Variants in VPS41 observed in about 807,000 individuals in gnomAD.
VPS41 encodes vacuolar protein sorting-associated protein 41 homolog.
A neutral mutation model predicts 130.9 loss-of-function variants in VPS41; 85 were observed. The ratio of observed to expected loss-of-function variants is 0.65; its 90% CI spans 0.55 to 0.78. The LOEUF (loss-of-function observed/expected upper bound fraction) is 0.78. VPS41 is among the 30% of genes least tolerant of loss of function. VPS41 has a pLI of 0.00. For missense variants in VPS41, 874 were observed against 1,018.7 expected (o/e 0.86, Z 1.93); for synonymous variants, 335 against 332.9 (o/e 1.01, Z -0.07).
intron 2 of VPS41, among the ~76,000 whole-genome samples, chr7:38,872,573 T>A (rs1786392998): frequency 6.6e-6 from 1 of 152,170 alleles, no homozygotes; most frequent in South Asian, 2.1e-4. Context: ...TACCTGTTAT[T>A]AACTTTCCAA....
rs1378331293 is a variant in VPS41, at chr7:38,763,444, G to C, written c.1422+11C>G. 6.4e-7 allele frequency: 1 copy of C among 1,562,368 alleles called. No homozygotes were observed. The highest frequency in any genetic ancestry group is 1.4e-5 in the African/African-American group (1 of 72,550). On this transcript the variant is annotated intron_variant, in intron 17 of 28. Coordinates refer to ENST00000310301, the MANE Select transcript of VPS41 (RefSeq NM_014396.4). ...AGAACAAGTAAATATGACCACATCA[G>C]AACACCATACCTCATAATCACTCTC... is the stretch of plus-strand genomic sequence containing the variant.
Position 38,756,877 on chromosome 7 carries a change from G to A in VPS41, c.1656C>T (p.Ile552=). ...CCATTAATAAAACAATTTTATCCTTGATAGAACTGAAAAGATTATGCTTGT... is the reference window on the plus strand; with the variant it reads ...CCATTAATAAAACAATTTTATCCTTAATAGAACTGAAAAGATTATGCTTGT... The part of the protein sequence containing the change: ...LIHKHNLFSS[I]KDKIVLLMDF... The change falls in exon 19 of 29, where the codon ATC becomes ATT. Residue 552 remains isoleucine (I), a synonymous_variant. Coordinates refer to ENST00000310301, the MANE Select transcript of VPS41 (RefSeq NM_014396.4). 6.3e-7 allele frequency: 1 copy of A among 1,593,962 alleles called. No individual in the cohort carries two copies. The highest frequency in any genetic ancestry group is 8.6e-7 in the Non-Finnish European group (1 of 1,165,014).
intron 22 of VPS41, among the ~76,000 whole-genome samples, chr7:38,747,795 G>A (rs1020652513): frequency 1.3e-5 from 2 of 152,176 alleles, no homozygotes; most frequent in African/African-American, 4.8e-5. Flanking sequence ...TACTATGTGG[G>A]ACAGAGTAGA....
intron 9 of VPS41, among the ~76,000 whole-genome samples, chr7:38,795,223 AAGAC>A (rs1220168893): frequency 6.6e-6 from 1 of 152,222 alleles, no homozygotes; most frequent in Non-Finnish European, 1.5e-5. Context: ...AAGATTGAAA[AAGAC>A]AGCACCATTC....
chr7:38,739,732 CCT>C (rs1795845815), intron 25 of VPS41, among the ~76,000 whole-genome samples: 1 of 152,128 alleles, frequency 6.6e-6, no homozygotes, highest in African/African-American at 2.4e-5. Context: ...TCTCCCTCAC[CCT>C]CTGAGAAGCC....
intron 25 of VPS41, among the ~76,000 whole-genome samples, chr7:38,736,131 G>A (rs1448064671): frequency 6.6e-6 from 1 of 152,194 alleles, no homozygotes; most frequent in African/African-American, 2.4e-5. Flanking sequence ...AATATGTAAA[G>A]AGATATTTAT....
At chr7:38,800,161 A>C (rs1167519621) in intron 7 of VPS41, among the ~76,000 whole-genome samples, 1 of 152,230 alleles carries the variant, frequency 6.6e-6, no homozygotes, top group African/African-American at 2.4e-5. Flanking sequence ...GGAATGACGG[A>C]GCATAATACG....
At chr7:38,898,070 G>A (rs1787050278) in intron 2 of VPS41, 21 bp downstream of exon 2, 5 of 1,611,120 alleles carry the variant, frequency 3.1e-6, no homozygotes, top group African/African-American at 1.3e-5. Context: ...AAATCCGAGG[G>A]CTCCTGAGTC....
chr7:38,769,802 T>G (rs1784119095), intron 14 of VPS41, among the ~76,000 whole-genome samples: 1 of 152,240 alleles, frequency 6.6e-6, no homozygotes, highest in Non-Finnish European at 1.5e-5. Flanking sequence ...GGAAGCCTCC[T>G]GATTGATCTC....
At chr7:38,797,459 T>C (rs1240898650) in intron 7 of VPS41, among the ~76,000 whole-genome samples, 1 of 152,212 alleles carries the variant, frequency 6.6e-6, no homozygotes, top group East Asian at 1.9e-4. Context: ...ACCTGCTGGA[T>C]AAATTTTAAT....
At chr7:38,809,558 C>T (rs939368758) in intron 7 of VPS41, among the ~76,000 whole-genome samples, 2 of 152,038 alleles carry the variant, frequency 1.3e-5, no homozygotes, top group Non-Finnish European at 2.9e-5. Context: ...TTATTATTTG[C>T]AGACCACTGC....
chr7:38,806,656 G>A (rs1181644244), intron 7 of VPS41, among the ~76,000 whole-genome samples: 1 of 152,102 alleles, frequency 6.6e-6, no homozygotes, highest in Non-Finnish European at 1.5e-5. Context: ...CACAAATATT[G>A]TTAATAATTT....
chr7:38,882,121 C>T (rs1373157905), intron 2 of VPS41, among the ~76,000 whole-genome samples: 1 of 152,032 alleles, frequency 6.6e-6, no homozygotes, highest in Non-Finnish European at 1.5e-5. Context: ...CCAGTCAAGC[C>T]CCACCACCAC....
At chr7:38,781,858 G>C (rs556085851) in intron 10 of VPS41, among the ~76,000 whole-genome samples, 7 of 152,242 alleles carry the variant, frequency 4.6e-5, no homozygotes, top group East Asian at 1.9e-4. Flanking sequence ...ATGTCTTATA[G>C]CTCCTCTGAA....
rs375116467 is a variant in VPS41 at position 38,793,538 on chromosome 7, G to A, written c.717+1927C>T. 7.2e-4 allele frequency among the ~76,000 whole-genome samples: 110 copies of A among 152,250 alleles called. 4 individuals are homozygous for A. In the South Asian group the frequency reaches 0.023, roughly 31 times the overall value. On this transcript the variant is annotated intron_variant, in intron 9 of 28. Transcript: ENST00000310301. ...GTATAGAAGCTGGATCTTAACTTGG[G>A]CATAAAGAAAGGGTATATGTTTCCC...
intron 4 of VPS41, among the ~76,000 whole-genome samples, chr7:38,851,460 T>C (rs936388449): frequency 1.3e-5 from 2 of 152,316 alleles, no homozygotes; most frequent in African/African-American, 4.8e-5. Context: ...CTTAACACAA[T>C]AGAGCTGAGA....
At chr7:38,820,211 C>G (rs139623258) in intron 6 of VPS41, among the ~76,000 whole-genome samples, 2 of 152,312 alleles carry the variant, frequency 1.3e-5, no homozygotes, top group Admixed American at 1.3e-4. Flanking sequence ...CACTCACTAT[C>G]ATTCTTTTCA....
chr7:38,885,266 G>GCATTTTTAA (rs1786698141), intron 2 of VPS41, among the ~76,000 whole-genome samples: 2 of 152,108 alleles, frequency 1.3e-5, no homozygotes, highest in East Asian at 3.9e-4. Context: ...GTAGAGACGG[G>GCATTTTTAA]GTTTCACCGT....
chr7:38,757,603 A>C (rs983870412), intron 18 of VPS41, among the ~76,000 whole-genome samples: 1 of 151,930 alleles, frequency 6.6e-6, no homozygotes, highest in African/African-American at 2.4e-5. Context: ...CATAAACACA[A>C]CCTCCTCTTG....
Sources: gnomAD v4.1 joint callset for allele counts (sites outside exome capture counted in the v4.1 genomes callset) on GRCh38, gnomAD v4.1.1 for gene constraint, MANE v1.5 for transcripts, NCBI Gene and HGNC (gene_info 2026-07-23, HGNC 2026-07-21) for gene names.